The following NELL1 variants were observed in gnomAD, a reference collection of about 807,000 sequenced individuals.
NELL1 encodes the protein neural EGFL like 1.
Under a neutral mutation model 107.4 loss-of-function variants are expected in NELL1, and 76 were observed. The ratio of observed to expected loss-of-function variants is 0.71; its 90% CI spans 0.59 to 0.86. The LOEUF (loss-of-function observed/expected upper bound fraction) is 0.86, where lower values mean the gene tolerates loss of function less well. NELL1 is among the 40% of genes least tolerant of loss of function. The pLI, the probability that NELL1 is intolerant of heterozygous loss-of-function variation, is 0.00. For missense variants in NELL1, 1,024 were observed against 1,005.5 expected (o/e 1.02, Z -0.25); for synonymous variants, 353 against 341.2 (o/e 1.03, Z -0.38).
At chr11:21,081,721 CTAGT>C (rs1440026915) in intron 12 of NELL1, among the ~76,000 whole-genome samples, 2 of 152,118 alleles carry the variant, frequency 1.3e-5, no homozygotes, top group Non-Finnish European at 2.9e-5. Flanking sequence ...CTTTTGTGAA[CTAGT>C]TAAATACCCT....
At chr11:20,705,612 C>T (rs1299886101) in intron 2 of NELL1, among the ~76,000 whole-genome samples, 2 of 142,288 alleles carry the variant, frequency 1.4e-5, no homozygotes, top group Non-Finnish European at 3.1e-5. Context: ...TGGGCAAGGA[C>T]TTCCTGTCTA....
chr11:21,012,766 T>C (rs571497499), intron 12 of NELL1, among the ~76,000 whole-genome samples: 9 of 152,164 alleles, frequency 5.9e-5, no homozygotes, highest in African/African-American at 2.2e-4. Context: ...ACAGAGTCAG[T>C]TCCTGGGTAG....
chr11:21,138,145 C>T (rs1014604408), intron 13 of NELL1, among the ~76,000 whole-genome samples: 2 of 151,932 alleles, frequency 1.3e-5, no homozygotes, highest in East Asian at 1.9e-4. Context: ...TTCTTATTCC[C>T]TCGGTGCTCT....
chr11:21,037,563 T>G (rs1004247903), intron 12 of NELL1, among the ~76,000 whole-genome samples: 1 of 152,172 alleles, frequency 6.6e-6, no homozygotes, highest in Non-Finnish European at 1.5e-5. Context: ...ATGCATACAT[T>G]GCATATGCAT....
intron 15 of NELL1, among the ~76,000 whole-genome samples, chr11:21,406,043 G>T (rs1176239053): frequency 6.6e-6 from 1 of 151,932 alleles, no homozygotes; most frequent in Non-Finnish European, 1.5e-5. Context: ...ACACAGATAG[G>T]AACAGAGTGG....
chr11:21,030,339 C>T (rs1852922011), intron 12 of NELL1, among the ~76,000 whole-genome samples: 1 of 152,136 alleles, frequency 6.6e-6, no homozygotes. Flanking sequence ...TTTTTGAGAG[C>T]CATTTGACCT....
chr11:20,710,993 T>C (rs1477784708), intron 2 of NELL1, among the ~76,000 whole-genome samples: 1 of 151,706 alleles, frequency 6.6e-6, no homozygotes. Flanking sequence ...GTTTTATTTA[T>C]TTTTTTTGTA....
intron 15 of NELL1, among the ~76,000 whole-genome samples, chr11:21,445,746 G>A (rs764097576): frequency 3.4e-4 from 51 of 152,136 alleles, no homozygotes; most frequent in Non-Finnish European, 4.7e-4. Context: ...GGTGTTGCTG[G>A]TGTTTTCAGC....
intron 14 of NELL1, among the ~76,000 whole-genome samples, chr11:21,278,969 A>G (rs527799017): frequency 1.2e-4 from 18 of 152,314 alleles, no homozygotes; most frequent in Non-Finnish European, 2.5e-4. Flanking sequence ...CCAGAAATAG[A>G]TCTATAGTAA....
intron 15 of NELL1, among the ~76,000 whole-genome samples, chr11:21,423,175 G>A (rs1335025359): frequency 2.6e-5 from 4 of 151,962 alleles, no homozygotes; most frequent in South Asian, 2.1e-4. Context: ...GACCATCCTC[G>A]CCAACATGGT....
At chr11:20,690,106 A>G (rs1421708870) in intron 2 of NELL1, among the ~76,000 whole-genome samples, 4 of 152,226 alleles carry the variant, frequency 2.6e-5, no homozygotes, top group South Asian at 4.1e-4. Flanking sequence ...GTCTGTTCAT[A>G]TCCTTTGCCC....
chr11:21,233,539 A>G (rs780189925), intron 14 of NELL1, among the ~76,000 whole-genome samples: 4 of 152,194 alleles, frequency 2.6e-5, no homozygotes, highest in Non-Finnish European at 5.9e-5. Flanking sequence ...TACAATGATA[A>G]CCTAGAATTT....
intron 12 of NELL1, among the ~76,000 whole-genome samples, chr11:21,077,222 A>G (rs889847499): frequency 1.3e-5 from 2 of 152,210 alleles, no homozygotes; most frequent in Non-Finnish European, 2.9e-5. Flanking sequence ...ACATGACAAT[A>G]TTATTCTAAA....
intron 13 of NELL1, among the ~76,000 whole-genome samples, chr11:21,125,057 G>A (rs1253219511): frequency 2.6e-5 from 4 of 152,132 alleles, no homozygotes; most frequent in South Asian, 4.1e-4. Context: ...AGTTTTGGGG[G>A]AATAAAAACA....
chr11:20,695,793 T>A (rs551818738), intron 2 of NELL1, among the ~76,000 whole-genome samples: 37 of 152,148 alleles, frequency 2.4e-4, no homozygotes, highest in Non-Finnish European at 4.7e-4. Context: ...CTTCGTAGAA[T>A]GAGTTAGGAA....
intron 14 of NELL1, among the ~76,000 whole-genome samples, chr11:21,369,427 T>C (rs1851307894): frequency 6.6e-6 from 1 of 151,492 alleles, no homozygotes. Flanking sequence ...GAGATGATGT[T>C]TGAATTCTAA....
intron 7 of NELL1, among the ~76,000 whole-genome samples, chr11:20,926,144 A>G (rs996635381): frequency 4.6e-5 from 7 of 152,308 alleles, no homozygotes; most frequent in Admixed American, 2.6e-4. Context: ...GGTGGTCTCT[A>G]TGTAAGGGAA....
intron 12 of NELL1, among the ~76,000 whole-genome samples, chr11:21,029,859 T>C (rs1852909685): frequency 6.6e-6 from 1 of 152,198 alleles, no homozygotes; most frequent in African/African-American, 2.4e-5. Context: ...TCTATTTCTG[T>C]AATGGAAAAG....
At chr11:20,809,112 G>A (rs1230646767) in intron 3 of NELL1, among the ~76,000 whole-genome samples, 4 of 152,126 alleles carry the variant, frequency 2.6e-5, no homozygotes, top group African/African-American at 9.7e-5. Flanking sequence ...AAATAGGATT[G>A]GAAGGGCACT....
Sources: allele counts gnomAD v4.1 joint callset (sites outside exome capture counted in the v4.1 genomes callset), GRCh38; gene constraint gnomAD v4.1.1; transcripts MANE v1.5; gene names NCBI Gene and HGNC (gene_info 2026-07-23, HGNC 2026-07-21).